The following AIPL1 variants were observed in gnomAD, a reference collection of about 807,000 sequenced individuals.
AIPL1 encodes the protein AIP like 1 HSP90 co-chaperone.
In AIPL1, 23 loss-of-function variants were observed where a neutral mutation model predicts 32.9. The ratio of observed to expected loss-of-function variants is 0.70; its 90% CI spans 0.50 to 0.99. AIPL1 has a LOEUF of 0.99. Among genes scored for constraint, AIPL1 ranks in the 50% least tolerant of loss-of-function variants. The pLI, the probability that AIPL1 is intolerant of heterozygous loss-of-function variation, is 0.00. For synonymous variants in AIPL1, 210 were observed against 209.4 expected, an observed-to-expected ratio of 1.00 and a Z score of -0.02; for missense variants, 485 against 506.0, an observed-to-expected ratio of 0.96 and a Z score of 0.40.
intron 5 of AIPL1, chr17:6,426,050 A>C: frequency 9.0e-7 from 1 of 1,105,294 alleles, no homozygotes; most frequent in Non-Finnish European, 1.2e-6. Flanking sequence ...GAGTAATTTT[A>C]TATTCATAAC....
rs1911722751 is a variant in AIPL1 at position 6,424,554 on chromosome 17, G to A, written c.*906C>T. The A allele has an allele frequency of 1.3e-5, 2 of 152,198 alleles. No homozygotes were observed. The highest frequency in any genetic ancestry group is 2.4e-5 in the African/African-American group (1 of 41,336). 9.4% of individuals were successfully genotyped at this position (152,198 alleles called of 1,614,324 possible). ...GTTTGTTTTTCTTTTGTTTTTTGTTGTTGTTTTTGTTTTGTTTTGTTTTTT... is the reference window on the plus strand; with the variant it reads ...GTTTGTTTTTCTTTTGTTTTTTGTTATTGTTTTTGTTTTGTTTTGTTTTTT... On this transcript the variant is annotated 3_prime_UTR_variant, in exon 6 of 6. Transcript: ENST00000381129.
chr17:6,434,665 G>A (rs560954048), intron 1 of AIPL1, among the ~76,000 whole-genome samples: 1 of 152,180 alleles, frequency 6.6e-6, no homozygotes, highest in South Asian at 2.1e-4. Flanking sequence ...GCCAAAGCCC[G>A]AATTCTGTAG....
At position 6,425,571 on chromosome 17, in the gene AIPL1, T is replaced by G; in HGVS notation, c.1044A>C (p.Thr348=). 1 of 1,613,210 alleles carries G rather than the reference T, an allele frequency of 6.2e-7. No homozygotes were observed. ...PPTEPPAQSS[T]EPPAEPPTAP... ...CTGTGGGTGGCTCTGCAGGTGGCTC[T>G]GTGGATGACTGTGCGGGTGGCTCTG... is the stretch of plus-strand genomic sequence containing the variant. Residue 348 remains threonine (T), a synonymous_variant, in exon 6 of 6, where the codon ACA becomes ACC. Coordinates refer to ENST00000381129, the MANE Select transcript of AIPL1 (RefSeq NM_014336.5).
At chr17:6,425,998 T>A (rs1911911557) in intron 5 of AIPL1, 168 bp from the exon 6 acceptor site, 2 of 1,058,128 alleles carry the variant, frequency 1.9e-6, no homozygotes, top group African/African-American at 1.6e-5. Context: ...GAGATGATGA[T>A]CATAATAGCA....
chr17:6,434,987 G>T (rs777331971), intron 1 of AIPL1, 22 bp downstream of exon 1: 1 of 1,614,098 alleles, frequency 6.2e-7, no homozygotes, highest in East Asian at 2.2e-5. Context: ...GACCCTGTCT[G>T]CTCCGGAGGG....
intron 5 of AIPL1, 48 bp downstream of exon 5, chr17:6,426,567 C>T: frequency 6.3e-7 from 1 of 1,596,324 alleles, no homozygotes; most frequent in Non-Finnish European, 8.5e-7. Context: ...GTCTCCGTGG[C>T]CCTGGGCTGG....
intron 2 of AIPL1, among the ~76,000 whole-genome samples, chr17:6,430,478 A>AAAAAAAAAAG (rs1912496305): frequency 6.6e-6 from 1 of 151,242 alleles, no homozygotes; most frequent in Non-Finnish European, 1.5e-5. Flanking sequence ...AAAAAAAAAA[A>AAAAAAAAAAG]AACAGTTACC....
At chr17:6,433,603 TCTCTCTCTCACA>T (rs1375196937) in intron 2 of AIPL1, among the ~76,000 whole-genome samples, 8 of 126,752 alleles carry the variant, frequency 6.3e-5, no homozygotes, top group Non-Finnish European at 1.3e-4. Flanking sequence ...TCTCTCTCTC[TCTCTCTCTCACA>T]CACACACACA....
At position 6,428,392 on chromosome 17, in the gene AIPL1, T is replaced by A; in HGVS notation, c.391A>T (p.Thr131Ser). 2 of 1,613,062 alleles carry A rather than the reference T, an allele frequency of 1.2e-6. No individual in the cohort carries two copies. The highest frequency in any genetic ancestry group is 1.6e-4 in the Middle Eastern group (1 of 6,062). ...TCGTCCAGGTCCTCGTAGCCCAGCG[T>A]GTGGTAGGCGAACATGTTGGCCAGC... Reference protein sequence around the residue: ...CGLANMFAYHTLGYEDLDELQ... With the variant: ...CGLANMFAYHSLGYEDLDELQ... The change falls in exon 3 of 6, where the codon ACG becomes TCG. Residue 131 changes from threonine (T) to serine (S), a missense_variant. Physicochemically the swap from Thr to Ser is moderately conservative, Grantham distance 58 (BLOSUM62 1). Coordinates refer to ENST00000381129, the MANE Select transcript of AIPL1 (RefSeq NM_014336.5).
In AIPL1 at chr17:6,433,932, C is replaced by A; in HGVS notation, c.263G>T (p.Trp88Leu). The change falls in exon 2 of 6, where the codon TGG (tryptophan) becomes TTG (leucine). Residue 88 changes from tryptophan (W) to leucine (L), a missense_variant. By Grantham distance (61) the Trp-to-Leu change is moderately conservative. Transcript: ENST00000381129. ...SMRVHEVAEF[W>L]CDTIHTGVYP... ...GGGCCTACTTACGATGGTGTCGCAC[C>A]AGAACTCGGCCACCTCGTGCACCCG... The A allele has an allele frequency of 6.2e-7, 1 of 1,613,896 alleles. No individual in the cohort carries two copies. Among genetic ancestry groups the A allele is most frequent in the South Asian group, 1.1e-5 (1 of 91,022 alleles).
chr17:6,431,301 A>G (rs972104157), intron 2 of AIPL1, among the ~76,000 whole-genome samples: 1 of 141,460 alleles, frequency 7.1e-6, no homozygotes, highest in Non-Finnish European at 1.6e-5. Flanking sequence ...ACTGAAAAAA[A>G]AAAAAAAGCC....
rs201975743 is a variant in AIPL1, at chr17:6,426,847, C to T, written c.642+34G>A. On this transcript the variant is annotated intron_variant, in intron 4 of 5. Transcript: ENST00000381129. The stretch of plus-strand genomic sequence containing the variant: ...CACTGGGCAGGCCCCCCAGAGTCAG[C>T]GCCACTTCCCACCCCTGGCCAGCGG... The T allele has an allele frequency of 6.6e-4, 1,059 of 1,613,180 alleles. 3 individuals carry two copies. Among genetic ancestry groups the T allele is most frequent in the Non-Finnish European group, 5.1e-4 (607 of 1,179,702 alleles).
intron 2 of AIPL1, among the ~76,000 whole-genome samples, chr17:6,431,531 T>C (rs549900117): frequency 6.6e-6 from 1 of 152,156 alleles, no homozygotes; most frequent in Non-Finnish European, 1.5e-5. Flanking sequence ...CACCCTCATA[T>C]GTTATATCAT....
In AIPL1 at chr17:6,426,181, C is replaced by T. The variant is rs1227693492; in HGVS notation, c.785-351G>A. Reference sequence around the variant, plus strand: ...GATTAAATGAGATAATAAACGCAGACGACGTGTGCCTGATGCATGAGCCAG... The same window carrying T: ...GATTAAATGAGATAATAAACGCAGATGACGTGTGCCTGATGCATGAGCCAG... On this transcript the variant is annotated intron_variant, in intron 5 of 5. Coordinates refer to ENST00000381129, the MANE Select transcript of AIPL1 (RefSeq NM_014336.5). The T allele has an allele frequency of 1.2e-5, 15 of 1,279,474 alleles. No homozygotes were observed. The East Asian group carries it at 1.4e-4, about 12-fold the overall frequency. The allele number at this position is 1,279,474 out of a possible 1,614,324, so 79.3% of individuals were successfully genotyped here.
chr17:6,433,067 G>A (rs1912767015), intron 2 of AIPL1, among the ~76,000 whole-genome samples: 2 of 152,322 alleles, frequency 1.3e-5, no homozygotes, highest in Middle Eastern at 3.4e-3. Flanking sequence ...ACAGGTACTC[G>A]TAAGTTCATT....
intron 5 of AIPL1, chr17:6,426,390 TG>T: frequency 7.0e-7 from 1 of 1,424,508 alleles, no homozygotes; most frequent in East Asian, 2.5e-5. Context: ...GCGAGCTTCC[TG>T]GGTAAGTGTT....
At chr17:6,431,348 C>A (rs1011624258) in intron 2 of AIPL1, among the ~76,000 whole-genome samples, 1 of 151,172 alleles carries the variant, frequency 6.6e-6, no homozygotes, top group Non-Finnish European at 1.5e-5. Context: ...CCCAGCTACT[C>A]AGGAGGCTGA....
At chr17:6,431,975 A>G (rs1390275119) in intron 2 of AIPL1, among the ~76,000 whole-genome samples, 2 of 152,226 alleles carry the variant, frequency 1.3e-5, no homozygotes, top group African/African-American at 2.4e-5. Flanking sequence ...AATGTGGGGA[A>G]TAGAGGAGCA....
At chr17:6,434,515 C>A (rs997104308) in intron 1 of AIPL1, among the ~76,000 whole-genome samples, 3 of 152,072 alleles carry the variant, frequency 2.0e-5, no homozygotes, top group African/African-American at 7.2e-5. Context: ...AGGCGCCCAG[C>A]ACATCTGGCT....
Sources: allele counts gnomAD v4.1 joint callset (sites outside exome capture counted in the v4.1 genomes callset), GRCh38; gene constraint gnomAD v4.1.1; transcripts MANE v1.5; gene names NCBI Gene and HGNC (gene_info 2026-07-23, HGNC 2026-07-21).